Variants in GALNT17 observed in about 807,000 individuals in gnomAD.
The protein encoded by GALNT17 is UDP-GalNAc:polypeptide N-acetylgalactosaminyltransferase-like 3.
In GALNT17, 29 loss-of-function variants were observed where a neutral mutation model predicts 63.7. The ratio of observed to expected loss-of-function variants is 0.46; its 90% CI spans 0.34 to 0.62. GALNT17 has a LOEUF of 0.62. Among genes scored for constraint, GALNT17 ranks in the 20% least tolerant of loss-of-function variants. The pLI is 0.01. For synonymous variants in GALNT17, 305 were observed against 318.3 expected (o/e 0.96, Z 0.45); for missense variants, 603 against 799.6 (o/e 0.75, Z 2.97).
chr7:71,315,757 A>G (rs1175951991), intron 1 of GALNT17, among the ~76,000 whole-genome samples: 2 of 152,136 alleles, frequency 1.3e-5, no homozygotes, highest in Non-Finnish European at 2.9e-5. Flanking sequence ...TGCGGCCTCA[A>G]GGGCAGGTGC....
intron 9 of GALNT17, among the ~76,000 whole-genome samples, chr7:71,698,546 G>C (rs1263187694): frequency 1.3e-5 from 2 of 152,118 alleles, no homozygotes; most frequent in African/African-American, 4.8e-5. Context: ...ATTTTGCAAA[G>C]TTGTCACTGG....
chr7:71,385,298 C>T (rs1434717960), intron 2 of GALNT17, among the ~76,000 whole-genome samples: 2 of 152,140 alleles, frequency 1.3e-5, no homozygotes, highest in Non-Finnish European at 2.9e-5. Flanking sequence ...GGTCACCTGC[C>T]CAGCCCGGCA....
chr7:71,706,051 TG>T (rs1192182925), intron 9 of GALNT17, among the ~76,000 whole-genome samples: 1 of 152,172 alleles, frequency 6.6e-6, no homozygotes, highest in Non-Finnish European at 1.5e-5. Context: ...ACCTGCCTCA[TG>T]GTAGAAAAGC....
intron 5 of GALNT17, among the ~76,000 whole-genome samples, chr7:71,505,462 G>A (rs1022159236): frequency 4.6e-5 from 7 of 152,122 alleles, no homozygotes; most frequent in African/African-American, 1.7e-4. Context: ...TAGCCATATG[G>A]GGTGGCACAT....
At chr7:71,507,011 G>A (rs776548178) in intron 5 of GALNT17, among the ~76,000 whole-genome samples, 23 of 152,322 alleles carry the variant, frequency 1.5e-4, no homozygotes, top group South Asian at 2.1e-4. Context: ...GAGGTGGGAC[G>A]ATCGCTTGAG....
intron 1 of GALNT17, among the ~76,000 whole-genome samples, chr7:71,199,639 A>G (rs1433812563): frequency 8.1e-5 from 6 of 74,374 alleles, no homozygotes; most frequent in African/African-American, 3.3e-4. Context: ...CACCCCATCC[A>G]CCGACCCACC....
chr7:71,686,036 C>G (rs1015082255), intron 9 of GALNT17, among the ~76,000 whole-genome samples: 5 of 146,858 alleles, frequency 3.4e-5, no homozygotes, highest in East Asian at 2.0e-4. Flanking sequence ...CTCACTGCAA[C>G]CTCCGCCTCC....
rs189577690 is a variant in GALNT17 at position 71,220,261 on chromosome 7, T to C, written c.238+87221T>C. On this transcript the variant is annotated intron_variant, in intron 1 of 10. Transcript: ENST00000333538. ...ACTGGATGGAGCGGGTGAGCTCTGATTGGTTGGTTTCCAAGCCCCAAACCA... is the reference window on the plus strand; with the variant it reads ...ACTGGATGGAGCGGGTGAGCTCTGACTGGTTGGTTTCCAAGCCCCAAACCA... Among the ~76,000 whole-genome samples, 10 of 152,308 alleles carry C rather than the reference T, an allele frequency of 6.6e-5. No individual in the cohort carries two copies. The East Asian group carries it at 1.7e-3, about 26-fold the overall frequency.
intron 1 of GALNT17, among the ~76,000 whole-genome samples, chr7:71,323,618 C>T (rs1791654556): frequency 6.6e-6 from 1 of 152,158 alleles, no homozygotes; most frequent in African/African-American, 2.4e-5. Context: ...GATCATCGTA[C>T]TGATATATGA....
chr7:71,678,214 TTC>T (rs1375469165), intron 9 of GALNT17, among the ~76,000 whole-genome samples: 1 of 151,934 alleles, frequency 6.6e-6, no homozygotes, highest in Non-Finnish European at 1.5e-5. Context: ...AACCTCCGCC[TTC>T]TGGGTTCAAG....
chr7:71,573,325 A>T (rs61407167), intron 6 of GALNT17, among the ~76,000 whole-genome samples: 11,899 of 144,548 alleles, frequency 0.082, 566 homozygotes, highest in African/African-American at 0.13. Flanking sequence ...TTAATTAATT[A>T]ATTTATTTAT....
chr7:71,265,118 A>ATATATATATATATTTTTTTTTTTTTTTTT (rs1390488895), intron 1 of GALNT17, among the ~76,000 whole-genome samples: 1 of 37,460 alleles, frequency 2.7e-5, no homozygotes, highest in Non-Finnish European at 6.8e-5. Context: ...ATATATATAT[A>ATATATATATATATTTTTTTTTTTTTTTTT]TTTTTTTTTT....
At chr7:71,578,353 T>G (rs1046337935) in intron 6 of GALNT17, among the ~76,000 whole-genome samples, 3 of 152,124 alleles carry the variant, frequency 2.0e-5, no homozygotes, top group Admixed American at 1.3e-4. Context: ...TTTATATATA[T>G]AGACAAATTC....
intron 1 of GALNT17, among the ~76,000 whole-genome samples, chr7:71,211,633 TC>T (rs1562919057): frequency 6.6e-6 from 1 of 152,162 alleles, no homozygotes; most frequent in Non-Finnish European, 1.5e-5. Flanking sequence ...GTTTGGAACT[TC>T]CTAGAGACTT....
intron 6 of GALNT17, among the ~76,000 whole-genome samples, chr7:71,657,294 G>A (rs1362009636): frequency 6.6e-6 from 1 of 152,174 alleles, no homozygotes; most frequent in Non-Finnish European, 1.5e-5. Context: ...AATTTTTCAT[G>A]TGTAAAATAT....
intron 1 of GALNT17, among the ~76,000 whole-genome samples, chr7:71,241,451 G>A (rs1326504553): frequency 6.6e-6 from 1 of 152,188 alleles, no homozygotes; most frequent in Non-Finnish European, 1.5e-5. Flanking sequence ...CTGGAGGTGA[G>A]TAGATCCTTT....
chr7:71,538,630 C>CT (rs555866317), intron 5 of GALNT17, among the ~76,000 whole-genome samples: 39 of 152,256 alleles, frequency 2.6e-4, no homozygotes, highest in Admixed American at 1.7e-3. Context: ...ATCAACCTCC[C>CT]TTTTTTTGGT....
chr7:71,452,278 G>C (rs1056453528), intron 5 of GALNT17, among the ~76,000 whole-genome samples: 2 of 151,946 alleles, frequency 1.3e-5, no homozygotes, highest in Non-Finnish European at 2.9e-5. Context: ...AGGTGTGGTG[G>C]CTTACGCCTG....
intron 6 of GALNT17, among the ~76,000 whole-genome samples, chr7:71,577,933 T>C (rs548513248): frequency 6.6e-6 from 1 of 152,242 alleles, no homozygotes; most frequent in South Asian, 2.1e-4. Flanking sequence ...CAGGGTTTCA[T>C]AGTGTCTGAG....
Sources: gnomAD v4.1 joint callset for allele counts (sites outside exome capture counted in the v4.1 genomes callset) on GRCh38, gnomAD v4.1.1 for gene constraint, MANE v1.5 for transcripts, NCBI Gene and HGNC (gene_info 2026-07-23, HGNC 2026-07-21) for gene names.